Variants in PSMD1 observed in about 807,000 individuals in gnomAD.
The protein encoded by PSMD1 is proteasome 26S subunit, non-ATPase 1.
A neutral mutation model predicts 119.0 loss-of-function variants in PSMD1; 18 were observed. That is an observed-to-expected ratio of 0.15 (90% CI 0.10 to 0.22). The LOEUF is 0.22. PSMD1 is among the 10% of genes least tolerant of loss of function. The pLI is 1.00. For missense variants in PSMD1, 702 were observed against 1,158.5 expected (o/e 0.61, Z 5.72); for synonymous variants, 374 against 396.6 (o/e 0.94, Z 0.68).
chr2:231,096,565 G>A (rs1232843910), intron 16 of PSMD1, among the ~76,000 whole-genome samples: 4 of 152,114 alleles, frequency 2.6e-5, no homozygotes, highest in Admixed American at 2.6e-4. Context: ...ACGGGTTATG[G>A]GAAACAACTG....
chr2:231,070,355 TC>T (rs67032980), intron 6 of PSMD1, among the ~76,000 whole-genome samples, 187 bp downstream of exon 6: 6,086 of 152,260 alleles, frequency 0.04, 185 homozygotes, highest in Middle Eastern at 0.068. Context: ...AGAAACTAAA[TC>T]TCACAACACT....
rs901062368 is a variant in PSMD1, at chr2:231,155,963, A to G, written c.2218+2297A>G. On this transcript the variant is annotated intron_variant, in intron 19 of 24. Transcript: ENST00000308696. Reference sequence around the variant, plus strand: ...AGGTTTCCATAGTTTCTCCCTTCTCACTCTTCACTACCTTCCAATATTTTT... The same window carrying G: ...AGGTTTCCATAGTTTCTCCCTTCTCGCTCTTCACTACCTTCCAATATTTTT... Among the ~76,000 whole-genome samples, 7 of 151,702 alleles carry G rather than the reference A, an allele frequency of 4.6e-5. 1 individual carries two copies. The Middle Eastern group carries it at 0.024, about 516-fold the overall frequency.
chr2:231,057,298 G>A (rs1693622330), intron 1 of PSMD1, among the ~76,000 whole-genome samples: 1 of 152,148 alleles, frequency 6.6e-6, no homozygotes, highest in Admixed American at 6.5e-5. Context: ...AGGACCCGAG[G>A]GGCTTCCTGG....
Position 231,082,910 on chromosome 2 carries a change from C to T in PSMD1, c.1441C>T (p.Leu481Phe). The change falls in exon 13 of 25, where the codon CTT (leucine) becomes TTT (phenylalanine). Residue 481 changes from leucine (L) to phenylalanine (F), a missense_variant. Around this residue, in one of 9 missense-constraint regions of PSMD1, gnomAD observed 272 missense variants for 511.6 expected, o/e 0.53. Coordinates refer to ENST00000308696, the MANE Select transcript of PSMD1 (RefSeq NM_002807.4). ...CGTTAGACACGGTGGCAGTCTGGGC[C>T]TTGGTTTGGCAGCCATGGGAACTGC... ...DIVRHGGSLG[L>F]GLAAMGTARQ... is the part of the protein sequence containing the mutation. 6.2e-7 allele frequency: 1 copy of T among 1,614,026 alleles called. No homozygotes were observed. Among genetic ancestry groups the T allele is most frequent in the Non-Finnish European group, 8.5e-7 (1 of 1,179,948 alleles).
At chr2:231,157,328 A>G (rs1696527941) in intron 19 of PSMD1, among the ~76,000 whole-genome samples, 1 of 151,346 alleles carries the variant, frequency 6.6e-6, no homozygotes, top group Non-Finnish European at 1.5e-5. Context: ...GAATTAGGGG[A>G]GGATAATTCT....
chr2:231,109,351 AT>A, intron 16 of PSMD1: 1 of 1,614,096 alleles, frequency 6.2e-7, no homozygotes, highest in Non-Finnish European at 8.5e-7. Context: ...CACAAGTGAT[AT>A]TGTTTGGGTT....
intron 16 of PSMD1, among the ~76,000 whole-genome samples, chr2:231,122,189 C>T (rs1224833670): frequency 6.6e-6 from 1 of 152,088 alleles, no homozygotes; most frequent in East Asian, 1.9e-4. Context: ...GAACTTTACT[C>T]ATTACTGCTT....
At chr2:231,116,906 A>C (rs1574744892) in intron 16 of PSMD1, among the ~76,000 whole-genome samples, 1 of 152,200 alleles carries the variant, frequency 6.6e-6, no homozygotes, top group East Asian at 1.9e-4. Context: ...AGTTTTAATG[A>C]AACTAATATA....
chr2:231,121,740 A>G (rs145635903), intron 16 of PSMD1, among the ~76,000 whole-genome samples: 4 of 152,190 alleles, frequency 2.6e-5, no homozygotes, highest in Non-Finnish European at 4.4e-5. Context: ...GGTACTTTGC[A>G]TATAATAGAT....
intron 5 of PSMD1, among the ~76,000 whole-genome samples, chr2:231,069,436 A>G (rs1042501277): frequency 2.6e-5 from 4 of 152,178 alleles, no homozygotes; most frequent in Admixed American, 6.5e-5. Flanking sequence ...TCAGTGTGCT[A>G]ATTTATGTTG....
chr2:231,067,474 C>T (rs1350039261), intron 5 of PSMD1, among the ~76,000 whole-genome samples: 2 of 152,084 alleles, frequency 1.3e-5, no homozygotes, highest in Admixed American at 6.5e-5. Context: ...TTTAAGTCAC[C>T]AACCGAAGTG....
chr2:231,063,739 G>A (rs1352743649), intron 4 of PSMD1, among the ~76,000 whole-genome samples: 1 of 152,190 alleles, frequency 6.6e-6, no homozygotes, highest in Non-Finnish European at 1.5e-5. Flanking sequence ...TTAAAAGGAT[G>A]GACCGTATTA....
chr2:231,107,141 G>A (rs1368854890), intron 16 of PSMD1, among the ~76,000 whole-genome samples: 2 of 152,164 alleles, frequency 1.3e-5, no homozygotes, highest in African/African-American at 4.8e-5. Context: ...AAATGTGTAT[G>A]ATATACTCTT....
At chr2:231,079,653 G>T in intron 11 of PSMD1, 39 bp downstream of exon 11, 1 of 1,324,344 alleles carries the variant, frequency 7.6e-7, no homozygotes, top group Non-Finnish European at 1.0e-6. Flanking sequence ...CATCAGAAAA[G>T]AAGTAATTTT....
intron 1 of PSMD1, among the ~76,000 whole-genome samples, chr2:231,057,750 T>C (rs1455139764): frequency 6.6e-6 from 1 of 152,248 alleles, no homozygotes; most frequent in Non-Finnish European, 1.5e-5. Context: ...CGCAAACCAT[T>C]GCATAGGTAG....
intron 16 of PSMD1, among the ~76,000 whole-genome samples, chr2:231,098,400 T>TCA (rs1694775760): frequency 6.6e-6 from 1 of 152,040 alleles, no homozygotes; most frequent in Admixed American, 6.5e-5. Context: ...GAGTTTCTGT[T>TCA]CTCTCTCTTT....
intron 16 of PSMD1, among the ~76,000 whole-genome samples, chr2:231,098,237 C>T (rs1694771727): frequency 6.6e-6 from 1 of 152,200 alleles, no homozygotes; most frequent in African/African-American, 2.4e-5. Flanking sequence ...CTGGCTACAC[C>T]CTTGTTTACA....
intron 16 of PSMD1, among the ~76,000 whole-genome samples, chr2:231,128,476 C>T (rs1292257190): frequency 1.3e-5 from 2 of 152,232 alleles, no homozygotes; most frequent in Non-Finnish European, 2.9e-5. Context: ...CAAACTTAAT[C>T]TGTTCTCGTT....
chr2:231,147,006 T>A (rs964237228), intron 18 of PSMD1, among the ~76,000 whole-genome samples: 2 of 152,178 alleles, frequency 1.3e-5, no homozygotes, highest in Admixed American at 6.5e-5. Flanking sequence ...ATAGCTAATG[T>A]CTCAGTGCAC....
Sources: allele counts gnomAD v4.1 joint callset (sites outside exome capture counted in the v4.1 genomes callset), GRCh38; gene constraint gnomAD v4.1.1; regional missense constraint gnomAD v4.1.1; transcripts MANE v1.5; gene names NCBI Gene and HGNC (gene_info 2026-07-23, HGNC 2026-07-21).